CREB5: variants seen among roughly 807,000 people sequenced by gnomAD.
CREB5 encodes cyclic AMP-responsive element-binding protein 5.
Under a neutral mutation model 57.1 loss-of-function variants are expected in CREB5, and 19 were observed. That is an observed-to-expected ratio of 0.33 (90% CI 0.23 to 0.49). The LOEUF is 0.49. Ranked by LOEUF, CREB5 falls within the 20% of genes least tolerant of loss-of-function variation. The pLI, the probability that CREB5 is intolerant of heterozygous loss-of-function variation, is 0.99. For missense variants in CREB5, 579 were observed against 671.6 expected (o/e 0.86, Z 1.52); for synonymous variants, 238 against 238.3 (o/e 1.00, Z 0.01).
chr7:28,779,034 T>C (rs1452482385), intron 7 of CREB5: 2 of 152,196 alleles, frequency 1.3e-5, no homozygotes, highest in Admixed American at 1.3e-4. Flanking sequence ...ACTCAGAAAA[T>C]CCCATGCGTC....
intron 7 of CREB5, among the ~76,000 whole-genome samples, chr7:28,746,418 T>C (rs1804683186): frequency 6.6e-6 from 1 of 152,054 alleles, no homozygotes; most frequent in Non-Finnish European, 1.5e-5. Context: ...CAAAGTGGGG[T>C]CCCTTGACCC....
chr7:28,397,338 T>C (rs1787358185), intron 1 of CREB5, among the ~76,000 whole-genome samples: 1 of 152,088 alleles, frequency 6.6e-6, no homozygotes, highest in Non-Finnish European at 1.5e-5. Context: ...TCCAGAAGGA[T>C]CTATTTGGGG....
intron 1 of CREB5, among the ~76,000 whole-genome samples, chr7:28,329,182 C>T (rs1309582219): frequency 1.3e-5 from 2 of 152,198 alleles, no homozygotes; most frequent in African/African-American, 2.4e-5. Context: ...GGGGAAATTT[C>T]TCACAGAAAG....
intron 7 of CREB5, among the ~76,000 whole-genome samples, chr7:28,784,047 G>C (rs1242361881): frequency 1.3e-5 from 2 of 152,222 alleles, no homozygotes; most frequent in Non-Finnish European, 2.9e-5. Context: ...AGTGGCCCCT[G>C]CAAGGGTGAT....
upstream of CREB5, among the ~76,000 whole-genome samples, chr7:28,408,944 C>A (rs933544092): frequency 6.6e-6 from 1 of 152,130 alleles, no homozygotes; most frequent in South Asian, 2.1e-4. Flanking sequence ...TTCAGCATCC[C>A]CCTCCCCACC....
chr7:28,340,430 T>A (rs1015600884), intron 1 of CREB5, among the ~76,000 whole-genome samples: 1 of 152,120 alleles, frequency 6.6e-6, no homozygotes, highest in Non-Finnish European at 1.5e-5. Context: ...TATATAGAAA[T>A]GTTGTCTGGG....
rs143514134 is a variant in CREB5, at chr7:28,312,262, A to G, written c.-25+12821A>G. Among the ~76,000 whole-genome samples the G allele has an allele frequency of 3.7e-3, 564 of 151,954 alleles. 5 individuals are homozygous for G. Among genetic ancestry groups the G allele is most frequent in the Admixed American group, 0.015 (228 of 15,270 alleles). On this transcript the variant is annotated intron_variant, in intron 1 of 9. Transcript: ENST00000396299. ...TACAAGGGTCTTCCTGGTGGCCCTC[A>G]TATCACAACCCAAAGGCAGCCTCTT...
At chr7:28,433,196 G>A (rs905000293) in intron 1 of CREB5, among the ~76,000 whole-genome samples, 15 of 152,084 alleles carry the variant, frequency 9.9e-5, no homozygotes, top group African/African-American at 3.4e-4. Flanking sequence ...CCAACGAGTA[G>A]GTGTTGATAC....
upstream of CREB5, among the ~76,000 whole-genome samples, chr7:28,411,031 G>A (rs1461947267): frequency 6.6e-6 from 1 of 152,156 alleles, no homozygotes. Flanking sequence ...GTGGGTAAAA[G>A]CTTCTGGGGT....
chr7:28,450,294 A>G (rs1050869399), intron 1 of CREB5, among the ~76,000 whole-genome samples: 9 of 152,210 alleles, frequency 5.9e-5, no homozygotes, highest in African/African-American at 1.9e-4. Flanking sequence ...TGAGTTTTGA[A>G]TCATGGACAT....
intron 3 of CREB5, among the ~76,000 whole-genome samples, chr7:28,498,993 A>G (rs1390033173): frequency 6.6e-6 from 1 of 152,204 alleles, no homozygotes; most frequent in Admixed American, 6.5e-5. Flanking sequence ...TCAAAATTAC[A>G]AGCTATTATA....
Position 28,804,186 on chromosome 7 carries a change from T to C in CREB5, c.703-13T>C. On this transcript the variant is annotated splice_polypyrimidine_tract_variant and intron_variant, in intron 7 of 10. Transcript: ENST00000357727. ...TTCAGTTGTTCTCTCTCCTCCCTTT[T>C]GTTCTGTTTCAGAGGTTGAAGGCTG... 3 of 1,607,754 alleles carry C rather than the reference T, an allele frequency of 1.9e-6. No individual in the cohort carries two copies. Among genetic ancestry groups the C allele is most frequent in the Non-Finnish European group, 2.6e-6 (3 of 1,174,744 alleles).
chr7:28,685,225 T>A (rs1168574533), intron 5 of CREB5, among the ~76,000 whole-genome samples: 1 of 152,198 alleles, frequency 6.6e-6, no homozygotes, highest in Non-Finnish European at 1.5e-5. Flanking sequence ...TTTGGAAGGT[T>A]CACCTGAGGG....
At chr7:28,394,836 A>G (rs536400636) in intron 1 of CREB5, among the ~76,000 whole-genome samples, 1 of 152,312 alleles carries the variant, frequency 6.6e-6, no homozygotes, top group East Asian at 1.9e-4. Flanking sequence ...TCCTCTAACC[A>G]TTGCATTTTA....
intron 5 of CREB5, among the ~76,000 whole-genome samples, chr7:28,631,032 G>A (rs1322256769): frequency 1.3e-5 from 2 of 152,142 alleles, no homozygotes; most frequent in African/African-American, 4.8e-5. Flanking sequence ...AGAATCCAGA[G>A]CTCTGACCCC....
At chr7:28,606,978 T>A (rs1295183186) in intron 5 of CREB5, among the ~76,000 whole-genome samples, 2 of 152,132 alleles carry the variant, frequency 1.3e-5, no homozygotes, top group African/African-American at 2.4e-5. Flanking sequence ...ATATCCTCCT[T>A]CCAGCTATTT....
chr7:28,710,601 A>C (rs1485474822), intron 5 of CREB5, among the ~76,000 whole-genome samples: 1 of 152,190 alleles, frequency 6.6e-6, no homozygotes, highest in African/African-American at 2.4e-5. Context: ...CCACCTGGGC[A>C]CCATAGCAAG....
intron 5 of CREB5, among the ~76,000 whole-genome samples, chr7:28,573,298 C>A (rs556887598): frequency 7.8e-4 from 118 of 152,180 alleles, no homozygotes; most frequent in Middle Eastern, 6.8e-3. Flanking sequence ...TGCACAGAAC[C>A]ATATTGTAGT....
At chr7:28,790,428 A>AGAGAGAG (rs1807597257) in intron 7 of CREB5, among the ~76,000 whole-genome samples, 6 of 115,696 alleles carry the variant, frequency 5.2e-5, no homozygotes, top group Non-Finnish European at 1.1e-4. Flanking sequence ...GAAAGAAAGA[A>AGAGAGAG]AGAGAGAGAG....
Sources: gnomAD v4.1 joint callset for allele counts (sites outside exome capture counted in the v4.1 genomes callset) on GRCh38, gnomAD v4.1.1 for gene constraint, MANE v1.5 for transcripts, NCBI Gene and HGNC (gene_info 2026-07-23, HGNC 2026-07-21) for gene names.